APBB1IP: variants seen among roughly 807,000 people sequenced by gnomAD.
APBB1IP encodes amyloid beta A4 precursor protein-binding family B member 1-interacting protein.
In APBB1IP, 27 loss-of-function variants were observed where a neutral mutation model predicts 64.9. That is an observed-to-expected ratio of 0.42 (90% CI 0.31 to 0.57). The LOEUF is 0.57. Among genes scored for constraint, APBB1IP ranks in the 20% least tolerant of loss-of-function variants. The probability of loss-of-function intolerance (pLI) is 0.20; values close to 1 mark genes in which losing one functional copy is unlikely to be tolerated. For missense variants in APBB1IP, 812 were observed against 845.5 expected, an observed-to-expected ratio of 0.96 and a Z score of 0.49; for synonymous variants, 392 against 331.0, an observed-to-expected ratio of 1.18 and a Z score of -2.00.
chr10:26,522,707 TA>T (rs1372507490), intron 8 of APBB1IP, among the ~76,000 whole-genome samples: 4 of 151,958 alleles, frequency 2.6e-5, no homozygotes, highest in African/African-American at 9.7e-5. Flanking sequence ...ATGTTGATAT[TA>T]ATTAAATATA....
At chr10:26,529,686 G>T (rs1836523564) in intron 8 of APBB1IP, among the ~76,000 whole-genome samples, 1 of 151,996 alleles carries the variant, frequency 6.6e-6, no homozygotes, top group Non-Finnish European at 1.5e-5. Flanking sequence ...TGTCACCCAA[G>T]CTGGAGTGCG....
At chr10:26,538,472 C>T (rs1421515463) in intron 10 of APBB1IP, among the ~76,000 whole-genome samples, 1 of 151,922 alleles carries the variant, frequency 6.6e-6, no homozygotes, top group African/African-American at 2.4e-5. Flanking sequence ...GAAACCCCAT[C>T]TCTACTAAAA....
chr10:26,507,182 C>T (rs755062034), intron 6 of APBB1IP, among the ~76,000 whole-genome samples: 10 of 151,868 alleles, frequency 6.6e-5, no homozygotes, highest in East Asian at 1.9e-4. Context: ...GAGTGTAAGA[C>T]GAATACACGG....
At chr10:26,521,413 G>A (rs1335615658) in intron 8 of APBB1IP, among the ~76,000 whole-genome samples, 1 of 152,174 alleles carries the variant, frequency 6.6e-6, no homozygotes, top group Admixed American at 6.5e-5. Flanking sequence ...GTACAGTCAG[G>A]CCTCCCAGGG....
chr10:26,446,854 G>GTAGA (rs373873259), intron 2 of APBB1IP, among the ~76,000 whole-genome samples: 30 of 66,558 alleles, frequency 4.5e-4, no homozygotes, highest in African/African-American at 1.5e-3. Context: ...AGCAAAACCT[G>GTAGA]TAGATAGATA....
chr10:26,544,361 T>C (rs1029341613), intron 11 of APBB1IP, among the ~76,000 whole-genome samples: 7 of 152,222 alleles, frequency 4.6e-5, no homozygotes. Flanking sequence ...TGGAGACTCT[T>C]TACAAATGCA....
At chr10:26,519,497 CCTAAGAACT>C (rs1440768346) in intron 8 of APBB1IP, among the ~76,000 whole-genome samples, 1 of 152,060 alleles carries the variant, frequency 6.6e-6, no homozygotes, top group Non-Finnish European at 1.5e-5. Context: ...ACCCAGATCT[CCTAAGAACT>C]CTATCATGAG....
chr10:26,446,764 C>T (rs538463905), intron 2 of APBB1IP, among the ~76,000 whole-genome samples: 202 of 152,192 alleles, frequency 1.3e-3, no homozygotes, highest in Admixed American at 2.7e-3. Context: ...GTCCCAGCTA[C>T]GTGGGAGGCT....
chr10:26,488,570 T>C lies in APBB1IP; in HGVS notation c.1-3757T>C, dbSNP rs538351280. 7.2e-5 allele frequency among the ~76,000 whole-genome samples: 11 copies of C among 152,172 alleles called. No homozygotes were observed. In the South Asian group the frequency reaches 2.1e-3, roughly 29 times the overall value. On this transcript the variant is annotated intron_variant, in intron 2 of 14. Coordinates refer to ENST00000376236, the MANE Select transcript of APBB1IP (RefSeq NM_019043.4). ...TAAAGAAAGGAGGATATGATTCAGA[T>C]ACTTTGTAAGCAACTGTGTGGGGAT... is the stretch of plus-strand genomic sequence containing the variant.
chr10:26,469,023 C>T (rs1166271553), intron 2 of APBB1IP, among the ~76,000 whole-genome samples: 1 of 152,016 alleles, frequency 6.6e-6, no homozygotes, highest in Non-Finnish European at 1.5e-5. Flanking sequence ...GCACTTCTAA[C>T]ATAAACCACA....
At position 26,475,761 on chromosome 10, in the gene APBB1IP, A is replaced by AT. The variant is rs202160502; in HGVS notation, c.1-16558dup. On this transcript the variant is annotated intron_variant, in intron 2 of 14. Transcript: ENST00000376236. ...ATCAGCAGTACACAGGAGAGATAAT[A>AT]TTTTTTTTCCTTTGCATAGTCTTTC... Among the ~76,000 whole-genome samples, 467 of 152,056 alleles carry AT rather than the reference A, an allele frequency of 3.1e-3. 4 individuals carry two copies. Among genetic ancestry groups the AT allele is most frequent in the African/African-American group, 0.011 (450 of 41,472 alleles).
intron 2 of APBB1IP, among the ~76,000 whole-genome samples, chr10:26,487,559 A>G (rs1257614055): frequency 6.6e-6 from 1 of 151,922 alleles, no homozygotes; most frequent in Non-Finnish European, 1.5e-5. Context: ...TCAGTAACAG[A>G]CTCTGGGGGA....
intron 2 of APBB1IP, among the ~76,000 whole-genome samples, chr10:26,446,244 A>G (rs1013828977): frequency 3.3e-5 from 5 of 152,358 alleles, no homozygotes; most frequent in African/African-American, 1.2e-4. Flanking sequence ...ATCACATAAC[A>G]TTCACAGGTG....
intron 2 of APBB1IP, among the ~76,000 whole-genome samples, chr10:26,447,452 A>G (rs890462913): frequency 1.3e-5 from 2 of 152,018 alleles, no homozygotes; most frequent in African/African-American, 4.8e-5. Flanking sequence ...CAGGCACCAG[A>G]TGTGTAAAAC....
intron 2 of APBB1IP, among the ~76,000 whole-genome samples, chr10:26,487,211 CCTCT>C (rs371254233): frequency 3.9e-5 from 5 of 126,788 alleles, no homozygotes; most frequent in South Asian, 2.5e-4. Flanking sequence ...TTTTTTTTTT[CCTCT>C]CTCTCTCTCT....
At chr10:26,495,882 G>A (rs1405896988) in intron 3 of APBB1IP, among the ~76,000 whole-genome samples, 1 of 140,876 alleles carries the variant, frequency 7.1e-6, no homozygotes, top group African/African-American at 2.6e-5. Context: ...AGTCATTACA[G>A]AATTTTATAT....
At chr10:26,438,561 A>T (rs1280435222) in intron 1 of APBB1IP, 91 bp from the exon 2 acceptor site, 2 of 152,164 alleles carry the variant, frequency 1.3e-5, no homozygotes, top group Non-Finnish European at 2.9e-5. Context: ...GGGGAGAGAA[A>T]ATCAGGCGCA....
chr10:26,496,193 A>G (rs1836021788), intron 3 of APBB1IP, 111 bp from the exon 4 acceptor site: 2 of 781,374 alleles, frequency 2.6e-6, no homozygotes, highest in South Asian at 3.5e-5. Context: ...CAGAGAACAC[A>G]CTAAGGGAGA....
At chr10:26,522,851 A>T (rs1480576453) in intron 8 of APBB1IP, among the ~76,000 whole-genome samples, 1 of 152,006 alleles carries the variant, frequency 6.6e-6, no homozygotes, top group Non-Finnish European at 1.5e-5. Flanking sequence ...AATACAAAAA[A>T]AAATTAGCTG....
Sources: gnomAD v4.1 joint callset for allele counts (sites outside exome capture counted in the v4.1 genomes callset) on GRCh38, gnomAD v4.1.1 for gene constraint, MANE v1.5 for transcripts, NCBI Gene and HGNC (gene_info 2026-07-23, HGNC 2026-07-21) for gene names.